Variants in COL6A3 observed in about 807,000 individuals in gnomAD.
COL6A3 encodes collagen type VI alpha 3 chain.
Under a neutral mutation model 274.1 loss-of-function variants are expected in COL6A3, and 137 were observed. That is an observed-to-expected ratio of 0.50 (90% CI 0.44 to 0.58). COL6A3 has a LOEUF of 0.58. Ranked by LOEUF, COL6A3 falls within the 20% of genes least tolerant of loss-of-function variation. The pLI, the probability that COL6A3 is intolerant of heterozygous loss-of-function variation, is 0.00. For synonymous variants in COL6A3, 1,650 were observed against 1,650.6 expected, an observed-to-expected ratio of 1.00 and a Z score of 0.01; for missense variants, 3,950 against 4,124.9, an observed-to-expected ratio of 0.96 and a Z score of 1.16.
intron 6 of COL6A3, 61 bp downstream of exon 6, chr2:237,378,575 C>G: frequency 6.2e-7 from 1 of 1,611,516 alleles, no homozygotes. Flanking sequence ...GACTGGCAAA[C>G]TACCCTCCAG....
chr2:237,341,229 T>A, intron 37 of COL6A3, 79 bp from the exon 38 acceptor site: 3 of 1,377,902 alleles, frequency 2.2e-6, no homozygotes, highest in Non-Finnish European at 3.1e-6. Flanking sequence ...CTGGGAGACT[T>A]GGGCGATTAA....
At position 237,407,300 on chromosome 2, in the gene COL6A3, A is replaced by G. The variant is rs927570081; in HGVS notation, c.-31+6653T>C. The stretch of plus-strand genomic sequence containing the variant: ...TATCCTGTGATAGCAACATTTTAAA[A>G]CTCTTCTCATCAGGCAGGGTAACTA... On this transcript the variant is annotated intron_variant, in intron 1 of 43. Coordinates refer to ENST00000295550, the MANE Select transcript of COL6A3 (RefSeq NM_004369.4). This position sits in a 1 kb window ranked among gnomAD's most constrained non-coding sequence, Gnocchi z 4.3. Among the ~76,000 whole-genome samples the G allele has an allele frequency of 1.3e-5, 2 of 151,862 alleles. No homozygotes were observed. The highest frequency in any genetic ancestry group is 4.8e-5 in the African/African-American group (2 of 41,352).
chr2:237,363,153 C>CA (rs1375309362), intron 14 of COL6A3, 100 bp downstream of exon 14: 1 of 1,151,132 alleles, frequency 8.7e-7, no homozygotes, highest in Non-Finnish European at 1.3e-6. Flanking sequence ...GCCCCCCCCC[C>CA]ACCTCCATTC....
chr2:237,348,528 T>C, intron 29 of COL6A3, 85 bp downstream of exon 29: 3 of 1,445,462 alleles, frequency 2.1e-6, no homozygotes, highest in Non-Finnish European at 2.9e-6. Flanking sequence ...AAAGAAATAA[T>C]TCTTTTAAAA....
In COL6A3 at chr2:237,347,824, CT is replaced by C; in HGVS notation, c.7011del (p.Gly2338AlafsTer14). ...EPGLNGTTGP[K>X]GIRGRRGNSG... ...AAACTTACCCTTCGGCCTCTGATGC[CT>C]TTGGGTCCTGTTGTTCCATTTAGCC... is the stretch of plus-strand genomic sequence containing the variant. On this transcript the variant is annotated frameshift_variant, in exon 31 of 44. Transcript: ENST00000295550. LOFTEE classifies it high-confidence loss of function. The C allele has an allele frequency of 6.2e-7, 1 of 1,611,324 alleles. No individual in the cohort carries two copies. Among genetic ancestry groups the C allele is most frequent in the Non-Finnish European group, 8.5e-7 (1 of 1,178,852 alleles).
chr2:237,324,852 G>A, intron 43 of COL6A3, 38 bp from the exon 44 acceptor site: 1 of 1,609,378 alleles, frequency 6.2e-7, no homozygotes, highest in Non-Finnish European at 8.5e-7. Context: ...GGTGAGGTGA[G>A]GAGCCGAGAG....
intron 1 of COL6A3, among the ~76,000 whole-genome samples, chr2:237,411,536 G>C (rs375813726): frequency 2.6e-5 from 4 of 152,148 alleles, no homozygotes; most frequent in Non-Finnish European, 4.4e-5. Context: ...TATGGGTTCC[G>C]TTCCTGAAAC....
At chr2:237,327,666 C>T (rs1700021926) in intron 42 of COL6A3, 3 of 152,120 alleles carry the variant, frequency 2.0e-5, no homozygotes, top group Non-Finnish European at 4.4e-5. Context: ...CGGCACTATT[C>T]AAAGACAAAA....
At chr2:237,333,383 G>A (rs1195977584) in intron 42 of COL6A3, 67 bp downstream of exon 42, 1 of 1,469,234 alleles carries the variant, frequency 6.8e-7, no homozygotes, top group Non-Finnish European at 9.5e-7. Context: ...AACCCAGGAA[G>A]TTAAATTGGA....
intron 27 of COL6A3, among the ~76,000 whole-genome samples, chr2:237,350,507 C>T (rs937134655): frequency 6.6e-6 from 1 of 152,108 alleles, no homozygotes; most frequent in Non-Finnish European, 1.5e-5. Flanking sequence ...AGCATAAAAC[C>T]CCAAAACACT....
At chr2:237,354,282 T>C (rs1267697151) in intron 24 of COL6A3, among the ~76,000 whole-genome samples, 1 of 151,812 alleles carries the variant, frequency 6.6e-6, no homozygotes, top group East Asian at 1.9e-4. Context: ...CCTCCCAGAG[T>C]GCTGGGATTA....
chr2:237,342,219 A>T (rs1339943491), intron 36 of COL6A3, 58 bp from the exon 37 acceptor site: 5 of 1,331,014 alleles, frequency 3.8e-6, no homozygotes, highest in Non-Finnish European at 5.4e-6. Flanking sequence ...AATATCTGAA[A>T]ATATGGCAGA....
At chr2:237,362,681 C>T (rs868489875) in intron 14 of COL6A3, among the ~76,000 whole-genome samples, 1 of 152,182 alleles carries the variant, frequency 6.6e-6, no homozygotes, top group Non-Finnish European at 1.5e-5. Flanking sequence ...TCTGAGTTCG[C>T]AGCTCAGCCC....
chr2:237,385,167 G>C (rs2078113663), intron 4 of COL6A3, among the ~76,000 whole-genome samples: 1 of 152,112 alleles, frequency 6.6e-6, no homozygotes, highest in Non-Finnish European at 1.5e-5. Context: ...TATTTTGCCT[G>C]GTCACTAGTT....
chr2:237,359,663 T>C (rs924968187), intron 17 of COL6A3, among the ~76,000 whole-genome samples: 31 of 152,200 alleles, frequency 2.0e-4, no homozygotes, highest in African/African-American at 7.5e-4. Flanking sequence ...CTTTGTAACT[T>C]TGCAGCCCTT....
Position 237,374,687 on chromosome 2 carries a change from A to C in COL6A3, c.3404T>G (p.Leu1135Arg), listed in dbSNP as rs1236447215. ...GSRITEGVPQ[L>R]LIVLTADRSG... Reference sequence around the variant, plus strand: ...CCTGTCGGCCGTGAGGACGATCAGCAGCTGGGGCACACCTTCTGTTATCCT... The same window carrying C: ...CCTGTCGGCCGTGAGGACGATCAGCCGCTGGGGCACACCTTCTGTTATCCT... The change falls in exon 8 of 44, where the codon CTG (leucine) becomes CGG (arginine). Residue 1135 changes from leucine (L) to arginine (R), a missense_variant. By Grantham distance (102) the Leu-to-Arg change is moderately radical. This residue lies in a region of COL6A3 where 1,934 missense variants were observed against 1,984.3 expected (regional missense o/e 0.97). Transcript: ENST00000295550. The surrounding 1 kb of genome is among the most constrained non-coding windows in gnomAD (Gnocchi z 4.8). 6.2e-7 allele frequency: 1 copy of C among 1,613,796 alleles called. No homozygotes were observed. The highest frequency in any genetic ancestry group is 1.1e-5 in the South Asian group (1 of 91,072).
Position 237,344,383 on chromosome 2 carries a change from C to T in COL6A3, c.7635G>A (p.Arg2545=). 1 of 1,614,194 alleles carries T rather than the reference C, an allele frequency of 6.2e-7. No individual in the cohort carries two copies. Among genetic ancestry groups the T allele is most frequent in the Non-Finnish European group, 8.5e-7 (1 of 1,180,032 alleles). ...CGTTGATGAGCTGCCGGTCTTCCTGCCTTGTAAGGAACAAGGGGGTGATCC... is the reference window on the plus strand; with the variant it reads ...CGTTGATGAGCTGCCGGTCTTCCTGTCTTGTAAGGAACAAGGGGGTGATCC... ...DAGITPLFLT[R]QEDRQLINAL... Residue 2545 remains arginine (R), a synonymous_variant, in exon 36 of 44, where the codon AGG becomes AGA. Transcript: ENST00000295550. The surrounding 1 kb of genome is among the most constrained non-coding windows in gnomAD (Gnocchi z 4.8).
rs376627571 is a variant in COL6A3 at position 237,378,907 on chromosome 2, G to T, written c.2226C>A (p.His742Gln). ...TEAGGSRIRE[H>Q]VPQLLLLLTA... is the part of the protein sequence containing the mutation. Reference sequence around the variant, plus strand: ...TGAGCAGAAGCAGGAGCTGCGGCACGTGTTCACGGATCCTGCTGCCGCCAG... The same window carrying T: ...TGAGCAGAAGCAGGAGCTGCGGCACTTGTTCACGGATCCTGCTGCCGCCAG... The change falls in exon 6 of 44, where the codon CAC becomes CAA. Residue 742 changes from histidine (H) to glutamine (Q), a missense_variant. Physicochemically the swap from His to Gln is conservative, Grantham distance 24. Around this residue, in one of 5 missense-constraint regions of COL6A3, gnomAD observed 1,934 missense variants for 1,984.3 expected, o/e 0.97. Transcript: ENST00000295550. 9 of 1,614,098 alleles carry T rather than the reference G, an allele frequency of 5.6e-6. No homozygotes were observed. In the African/African-American group the frequency reaches 8.0e-5, roughly 14 times the overall value.
chr2:237,358,763 T>G (rs1439148388), intron 20 of COL6A3, among the ~76,000 whole-genome samples, 180 bp from the exon 21 acceptor site: 1 of 152,186 alleles, frequency 6.6e-6, no homozygotes. Flanking sequence ...CCATGAATAT[T>G]TATTGGGGAC....
Sources: allele counts gnomAD v4.1 joint callset (sites outside exome capture counted in the v4.1 genomes callset), GRCh38; gene constraint gnomAD v4.1.1; regional missense constraint gnomAD v4.1.1; non-coding constraint Gnocchi (gnomAD v3.1); transcripts MANE v1.5; gene names NCBI Gene and HGNC (gene_info 2026-07-23, HGNC 2026-07-21).